Variants in LRP1 observed in about 807,000 individuals in gnomAD.
LRP1 encodes the protein prolow-density lipoprotein receptor-related protein 1.
Under a neutral mutation model 541.5 loss-of-function variants are expected in LRP1, and 51 were observed. That is an observed-to-expected ratio of 0.09 (90% CI 0.08 to 0.12). LRP1 has a LOEUF of 0.12. Ranked by LOEUF, LRP1 falls within the 10% of genes least tolerant of loss-of-function variation. The pLI is 1.00. For missense variants in LRP1, 3,878 were observed against 6,376.2 expected (o/e 0.61, Z 13.34); for synonymous variants, 2,219 against 2,470.8 (o/e 0.90, Z 3.02).
intron 22 of LRP1, among the ~76,000 whole-genome samples, chr12:57,174,243 AG>A (rs1255719616): frequency 6.6e-6 from 1 of 152,196 alleles, no homozygotes; most frequent in Non-Finnish European, 1.5e-5. Flanking sequence ...GACAGATGGG[AG>A]CACTGAGGCA....
chr12:57,151,043 C>G (rs2035516114), intron 6 of LRP1, among the ~76,000 whole-genome samples: 1 of 150,594 alleles, frequency 6.6e-6, no homozygotes, highest in Non-Finnish European at 1.5e-5. Flanking sequence ...GACATTTTCT[C>G]AGGACATAAA....
Position 57,179,758 on chromosome 12 carries a change from C to T in LRP1, c.4967-24C>T. ...CCACTGCCCTGCAGACACCCAACAACTGACTCCCTACTTGTGCCCCCAGAC... is the reference window on the plus strand; with the variant it reads ...CCACTGCCCTGCAGACACCCAACAATTGACTCCCTACTTGTGCCCCCAGAC... On this transcript the variant is annotated intron_variant, in intron 29 of 88. Coordinates refer to ENST00000243077, the MANE Select transcript of LRP1 (RefSeq NM_002332.3). This position sits in a 1 kb window ranked among gnomAD's most constrained non-coding sequence, Gnocchi z 6.8. 6.2e-7 allele frequency: 1 copy of T among 1,609,670 alleles called. No individual in the cohort carries two copies. The highest frequency in any genetic ancestry group is 8.5e-7 in the Non-Finnish European group (1 of 1,177,278).
In LRP1 at chr12:57,173,087, C is replaced by G; in HGVS notation, c.3164-81C>G. ...TGCTCATATCCCCAGGCTGGGCTTA[C>G]CGGGGTGGCAGGGCACAGGGATGAG... On this transcript the variant is annotated intron_variant, in intron 20 of 88. Coordinates refer to ENST00000243077, the MANE Select transcript of LRP1 (RefSeq NM_002332.3). The surrounding 1 kb of genome is among the most constrained non-coding windows in gnomAD (Gnocchi z 4.7). 5 of 1,239,806 alleles carry G rather than the reference C, an allele frequency of 4.0e-6. No homozygotes were observed. In the South Asian group the frequency reaches 7.1e-5, roughly 18 times the overall value. The allele number at this position is 1,239,806 out of a possible 1,614,324, so 76.8% of individuals were successfully genotyped here.
chr12:57,192,639 C>T (rs554297559), intron 44 of LRP1, among the ~76,000 whole-genome samples: 8 of 152,360 alleles, frequency 5.3e-5, no homozygotes, highest in East Asian at 3.9e-4. Flanking sequence ...ACATCCTCAA[C>T]GGCACACCTG....
Position 57,184,556 on chromosome 12 carries a change from T to A in LRP1, c.6186+104T>A, listed in dbSNP as rs1193352905. 3.4e-6 allele frequency: 5 copies of A among 1,485,772 alleles called. No homozygotes were observed. In the African/African-American group the frequency reaches 6.9e-5, roughly 21 times the overall value. The allele number at this position is 1,485,772 out of a possible 1,614,324, so 92.0% of individuals were successfully genotyped here. ...GGGAGGACTTGGAGCCCAGGGGAAG[T>A]CACAGGGTCTCCCAGCCCAGCCCTC... On this transcript the variant is annotated intron_variant, in intron 38 of 88. Coordinates refer to ENST00000243077, the MANE Select transcript of LRP1 (RefSeq NM_002332.3). The surrounding 1 kb of genome is among the most constrained non-coding windows in gnomAD (Gnocchi z 7.8).
At position 57,178,623 on chromosome 12, in the gene LRP1, G is replaced by C; in HGVS notation, c.4606+20G>C. ...CCATGGGTAAGGGGCTCGGGGCCTC[G>C]AGCAGCCGGAAGGGAGCCAGCAGCC... is the stretch of plus-strand genomic sequence containing the variant. On this transcript the variant is annotated intron_variant, in intron 27 of 88. Coordinates refer to ENST00000243077, the MANE Select transcript of LRP1 (RefSeq NM_002332.3). This position sits in a 1 kb window ranked among gnomAD's most constrained non-coding sequence, Gnocchi z 5.8. 1 of 1,613,700 alleles carries C rather than the reference G, an allele frequency of 6.2e-7. No individual in the cohort carries two copies. The highest frequency in any genetic ancestry group is 1.1e-5 in the South Asian group (1 of 91,074).
In LRP1 at chr12:57,156,458, T is replaced by C. The variant is rs1481491587; in HGVS notation, c.1417+175T>C. 6.6e-6 allele frequency among the ~76,000 whole-genome samples: 1 copy of C among 152,148 alleles called. No homozygotes were observed. Among genetic ancestry groups the C allele is most frequent in the Non-Finnish European group, 1.5e-5 (1 of 68,016 alleles). ...CCTGCCCTGGCCCCTCAGCTTCCCC[T>C]GCCAGCCCCCATCCACCCACTCAGC... On this transcript the variant is annotated intron_variant, in intron 9 of 88. Transcript: ENST00000243077. The surrounding 1 kb of genome is among the most constrained non-coding windows in gnomAD (Gnocchi z 5.2).
chr12:57,198,866 G>A lies in LRP1; in HGVS notation c.9676+196G>A, dbSNP rs2036589946. ...AGCCTGGCCACCACCCAGCTCCCTT[G>A]GGAAGGAAGAGGAGAGGCCCTTCCC... On this transcript the variant is annotated intron_variant, in intron 60 of 88. Coordinates refer to ENST00000243077, the MANE Select transcript of LRP1 (RefSeq NM_002332.3). 2.6e-5 allele frequency among the ~76,000 whole-genome samples: 4 copies of A among 152,230 alleles called. No homozygotes were observed. In the South Asian group the frequency reaches 6.2e-4, roughly 24 times the overall value.
At position 57,178,278 on chromosome 12, in the gene LRP1, C is replaced by T. The variant is rs2036090327; in HGVS notation, c.4362-81C>T. The T allele has an allele frequency of 1.3e-6, 2 of 1,521,304 alleles. No individual in the cohort carries two copies. The highest frequency in any genetic ancestry group is 1.8e-6 in the Non-Finnish European group (2 of 1,117,654). 94.2% of individuals were successfully genotyped at this position (1,521,304 alleles called of 1,614,324 possible). ...TTCGCTGGGAGGGCTGTGGCCAGGG[C>T]CCAGAGGGTGGGCACCTGGGCAGAG... On this transcript the variant is annotated intron_variant, in intron 26 of 88. Transcript: ENST00000243077. This position sits in a 1 kb window ranked among gnomAD's most constrained non-coding sequence, Gnocchi z 5.8.
At position 57,202,543 on chromosome 12, in the gene LRP1, T is replaced by TGGGGGC; in HGVS notation, c.10711+6_10711+7insGGGGGC. 192 of 1,522,874 alleles carry TGGGGGC rather than the reference T, an allele frequency of 1.3e-4. No individual in the cohort carries two copies. Among genetic ancestry groups the TGGGGGC allele is most frequent in the Middle Eastern group, 1.8e-4 (1 of 5,542 alleles). The allele number at this position is 1,522,874 out of a possible 1,614,324, so 94.3% of individuals were successfully genotyped here. A position where few individuals can be genotyped will look rare whatever the true frequency, so the allele number is the denominator to read the frequency against. ...CTCCGATGAAGAGAGCTGCAGTACG[T>TGGGGGC]CCCCACCCACCCAGCCCCGCATGAG... On this transcript the variant is annotated splice_region_variant and intron_variant, in intron 68 of 88. Coordinates refer to ENST00000243077, the MANE Select transcript of LRP1 (RefSeq NM_002332.3).
At position 57,192,968 on chromosome 12, in the gene LRP1, G is replaced by C. The variant is rs751186246; in HGVS notation, c.7553G>C (p.Arg2518Pro). ...ATCCTCCAGGATGACCTCACCTGCCGAGGTGAGAGAGGCGGGGGGGAGGGG... is the reference window on the plus strand; with the variant it reads ...ATCCTCCAGGATGACCTCACCTGCCCAGGTGAGAGAGGCGGGGGGGAGGGG... ...GRILQDDLTC[R>P]AVNSSCRAQD... The change falls in exon 45 of 89, where the codon CGA becomes CCA. Residue 2518 changes from arginine to proline, a missense_variant and splice_region_variant. Arg to Pro is a moderately radical substitution (Grantham distance 103). Transcript: ENST00000243077. The C allele has an allele frequency of 1.2e-6, 2 of 1,612,606 alleles. No homozygotes were observed. Among genetic ancestry groups the C allele is most frequent in the Non-Finnish European group, 1.7e-6 (2 of 1,179,646 alleles).
Position 57,194,385 on chromosome 12 carries a change from G to A in LRP1, c.7950G>A (p.Leu2650=), listed in dbSNP as rs936808520. The change falls in exon 49 of 89, where the codon CTG becomes CTA. Residue 2650 remains leucine, a synonymous_variant. Coordinates refer to ENST00000243077, the MANE Select transcript of LRP1 (RefSeq NM_002332.3). ...SATDCSSYFR[L]GVKGVLFQPC... ...CCGACTGCAGCAGCTACTTCCGCCTGGGCGTGAAGGGCGTGCTCTTCCAGC... is the reference window on the plus strand; with the variant it reads ...CCGACTGCAGCAGCTACTTCCGCCTAGGCGTGAAGGGCGTGCTCTTCCAGC... 1.3e-6 allele frequency: 2 copies of A among 1,512,554 alleles called. No homozygotes were observed. The highest frequency in any genetic ancestry group is 1.8e-6 in the Non-Finnish European group (2 of 1,131,428). The allele number at this position is 1,512,554 out of a possible 1,614,324, so 93.7% of individuals were successfully genotyped here.
Position 57,154,202 on chromosome 12 carries a change from C to T in LRP1, c.842-6C>T. The T allele has an allele frequency of 6.2e-7, 1 of 1,612,888 alleles. No homozygotes were observed. The highest frequency in any genetic ancestry group is 8.5e-7 in the Non-Finnish European group (1 of 1,179,128). ...ACCCCATGGCTCTTTCATTCGTACT[C>T]TCCAGACGTGGAACAGATGGCCATC... On this transcript the variant is annotated splice_region_variant and splice_polypyrimidine_tract_variant and intron_variant, in intron 6 of 88. Transcript: ENST00000243077. The surrounding 1 kb of genome is among the most constrained non-coding windows in gnomAD (Gnocchi z 4.6).
intron 44 of LRP1, among the ~76,000 whole-genome samples, chr12:57,192,354 C>T (rs144688858): frequency 2.0e-5 from 3 of 152,298 alleles, no homozygotes; most frequent in South Asian, 2.1e-4. Flanking sequence ...ATGTCACACC[C>T]GCCCCTCAGG....
In LRP1 at chr12:57,211,518, C is replaced by G. The variant is rs2036915395; in HGVS notation, c.13123C>G (p.Leu4375Val). ...CTDGRVAPSCLTCVGHCSNGG... is the reference protein window; with the variant it reads ...CTDGRVAPSCVTCVGHCSNGG... ...GGATGGCCGGGTGGCCCCCAGCTGT[C>G]TGACCTGCGTCGGCCACTGCAGCAA... The change falls in exon 85 of 89, where the codon CTG (leucine) becomes GTG (valine). Residue 4375 changes from leucine (L) to valine (V), a missense_variant. Transcript: ENST00000243077. The surrounding 1 kb of genome is among the most constrained non-coding windows in gnomAD (Gnocchi z 4.3). 1 of 1,614,030 alleles carries G rather than the reference C, an allele frequency of 6.2e-7. No individual in the cohort carries two copies.
At chr12:57,146,971 G>T (rs1291129694) in intron 6 of LRP1, among the ~76,000 whole-genome samples, 2 of 151,930 alleles carry the variant, frequency 1.3e-5, no homozygotes, top group African/African-American at 4.8e-5. Context: ...TGGGCTTCTG[G>T]GTAGGTGGCT....
chr12:57,180,337 T>C lies in LRP1; in HGVS notation c.5244T>C (p.Ala1748=), dbSNP rs748437587. 82 of 1,613,918 alleles carry C rather than the reference T, an allele frequency of 5.1e-5. No individual in the cohort carries two copies. Among genetic ancestry groups the C allele is most frequent in the Middle Eastern group, 1.6e-4 (1 of 6,082 alleles). The change falls in exon 32 of 89, where the codon GCT becomes GCC. Residue 1748 remains alanine (A), a synonymous_variant. Coordinates refer to ENST00000243077, the MANE Select transcript of LRP1 (RefSeq NM_002332.3). ...FSGQKGPVGL[A]IDFPESKLYW... is the part of the protein sequence containing the mutation. ...TGACTCCCCCTTTTCCAGGCCTGGC[T>C]ATTGACTTCCCTGAAAGCAAACTCT...
At chr12:57,153,079 G>A (rs1267358241) in intron 6 of LRP1, among the ~76,000 whole-genome samples, 1 of 152,232 alleles carries the variant, frequency 6.6e-6, no homozygotes, top group Admixed American at 6.5e-5. Flanking sequence ...AAAGCAGGTA[G>A]CCCAAAGATT....
rs1338778270 is a variant in LRP1, at chr12:57,197,742, C to A, written c.9282+78C>A. 2 of 1,555,932 alleles carry A rather than the reference C, an allele frequency of 1.3e-6. No individual in the cohort carries two copies. Among genetic ancestry groups the A allele is most frequent in the Non-Finnish European group, 1.7e-6 (2 of 1,148,882 alleles). On this transcript the variant is annotated intron_variant, in intron 58 of 88. Coordinates refer to ENST00000243077, the MANE Select transcript of LRP1 (RefSeq NM_002332.3). This position sits in a 1 kb window ranked among gnomAD's most constrained non-coding sequence, Gnocchi z 4.5. ...TTCAGATCGTCTCTCCTTCCCGCCC[C>A]ACCAACCCAAATTGCTTCCTTCTCA...
Sources: gnomAD v4.1 joint callset for allele counts (sites outside exome capture counted in the v4.1 genomes callset) on GRCh38, gnomAD v4.1.1 for gene constraint, Gnocchi (gnomAD v3.1) non-coding constraint, MANE v1.5 for transcripts, NCBI Gene and HGNC (gene_info 2026-07-23, HGNC 2026-07-21) for gene names.